PLPP1: variants seen among roughly 807,000 people sequenced by gnomAD.
PLPP1 encodes phospholipid phosphatase 1.
PLPP1 carries 24 observed loss-of-function variants against 31.2 expected under a neutral mutation model. The observed-to-expected ratio is 0.77, with a 90% CI of 0.56 to 1.08. The LOEUF (loss-of-function observed/expected upper bound fraction) is 1.08. PLPP1 is among the 50% of genes least tolerant of loss of function. The probability of loss-of-function intolerance (pLI) is 0.00; values close to 1 mark genes in which losing one functional copy is unlikely to be tolerated. For missense variants in PLPP1, 319 were observed against 342.7 expected, an observed-to-expected ratio of 0.93 and a Z score of 0.55; for synonymous variants, 146 against 126.3, an observed-to-expected ratio of 1.16 and a Z score of -1.05.
intron 4 of PLPP1, among the ~76,000 whole-genome samples, chr5:55,436,186 C>T (rs901959852): frequency 2.0e-5 from 3 of 152,120 alleles, no homozygotes; most frequent in African/African-American, 7.2e-5. Context: ...CACCTGCAGG[C>T]AGCAAATGCT....
intron 4 of PLPP1, among the ~76,000 whole-genome samples, chr5:55,431,815 C>T (rs979708662): frequency 7.2e-5 from 11 of 152,090 alleles, no homozygotes; most frequent in African/African-American, 2.7e-4. Context: ...AAAAAAGTTG[C>T]TTTTATGAAA....
At chr5:55,482,288 TG>T (rs1370350708) in intron 1 of PLPP1, among the ~76,000 whole-genome samples, 1 of 150,984 alleles carries the variant, frequency 6.6e-6, no homozygotes, top group Non-Finnish European at 1.5e-5. Context: ...CCCGAAAAAC[TG>T]TTTTAATGAG....
At chr5:55,531,806 T>G (rs1740680800) in intron 1 of PLPP1, among the ~76,000 whole-genome samples, 1 of 152,248 alleles carries the variant, frequency 6.6e-6, no homozygotes, top group African/African-American at 2.4e-5. Flanking sequence ...CCTGCACCAC[T>G]GGTCTCCTTC....
intron 1 of PLPP1, among the ~76,000 whole-genome samples, chr5:55,504,320 G>A (rs1753217673): frequency 1.4e-5 from 2 of 148,012 alleles, no homozygotes; most frequent in Non-Finnish European, 3.0e-5. Flanking sequence ...AGCAGACAGT[G>A]TCCTACTGCA....
chr5:55,476,023 G>C (rs1752541957), intron 1 of PLPP1, among the ~76,000 whole-genome samples: 1 of 144,710 alleles, frequency 6.9e-6, no homozygotes, highest in South Asian at 2.2e-4. Flanking sequence ...CTGTTACCCA[G>C]GCTAGAGTGC....
chr5:55,464,251 TTTAAG>T (rs879294417), intron 3 of PLPP1, among the ~76,000 whole-genome samples: 5 of 151,698 alleles, frequency 3.3e-5, no homozygotes, highest in Non-Finnish European at 7.4e-5. Flanking sequence ...TTTTTTTTTT[TTTAAG>T]AAGCAGTCTT....
chr5:55,467,908 T>C lies in PLPP1; in HGVS notation c.452A>G (p.Tyr151Cys), dbSNP rs1405300470. Residue 151 changes from tyrosine (Y) to cysteine (C), a missense_variant, in exon 3 of 6, where the codon TAC becomes TGC. By Grantham distance (194) the Tyr-to-Cys change is radical (BLOSUM62 -2). Coordinates refer to ENST00000307259, the MANE Select transcript of PLPP1 (RefSeq NM_003711.4). The part of the protein sequence containing the change: ...INCSDGYIEY[Y>C]ICRGNAERVK... ...TCTTTCTGCATTCCCTCGACATATG[T>C]AGTATTCAATGTAACCATCGCTGCA... is the stretch of plus-strand genomic sequence containing the variant. 1 of 1,614,136 alleles carries C rather than the reference T, an allele frequency of 6.2e-7. No individual in the cohort carries two copies. The highest frequency in any genetic ancestry group is 1.1e-5 in the South Asian group (1 of 91,066).
intron 1 of PLPP1, among the ~76,000 whole-genome samples, chr5:55,479,290 G>C (rs1561239490): frequency 1.3e-5 from 2 of 152,286 alleles, no homozygotes; most frequent in East Asian, 3.9e-4. Flanking sequence ...GTCTCCCAAA[G>C]TGCTGGGATT....
chr5:55,533,768 ACTC>A (rs1380470310), intron 1 of PLPP1, among the ~76,000 whole-genome samples: 5 of 152,166 alleles, frequency 3.3e-5, no homozygotes, highest in Admixed American at 6.5e-5. Flanking sequence ...AGTGAAAACT[ACTC>A]CTTCCAACGC....
chr5:55,454,061 C>A (rs887929031), intron 3 of PLPP1, among the ~76,000 whole-genome samples: 6 of 152,134 alleles, frequency 3.9e-5, no homozygotes, highest in Non-Finnish European at 7.3e-5. Flanking sequence ...TTTCCCACTG[C>A]CTATGTGAAG....
intron 1 of PLPP1, chr5:55,491,104 A>T (rs768708688): frequency 6.2e-7 from 1 of 1,612,866 alleles, no homozygotes; most frequent in Non-Finnish European, 8.5e-7. Context: ...GAACAGCCAT[A>T]GGCATGGAAG....
At chr5:55,491,588 T>C (rs929177350) in intron 1 of PLPP1, among the ~76,000 whole-genome samples, 5 of 152,006 alleles carry the variant, frequency 3.3e-5, no homozygotes, top group African/African-American at 9.7e-5. Context: ...AAAATTTAGG[T>C]GGCTCATGCC....
chr5:55,511,405 A>C (rs1436792017), intron 1 of PLPP1, among the ~76,000 whole-genome samples: 1 of 152,196 alleles, frequency 6.6e-6, no homozygotes, highest in Non-Finnish European at 1.5e-5. Flanking sequence ...TATAACCATT[A>C]AAATTTCAGA....
chr5:55,486,265 G>A (rs762733697), intron 1 of PLPP1, among the ~76,000 whole-genome samples: 12 of 152,056 alleles, frequency 7.9e-5, no homozygotes, highest in Non-Finnish European at 1.8e-4. Context: ...CTTTGAGGTA[G>A]TCATCTGTTT....
chr5:55,443,510 T>C (rs1751683196), intron 3 of PLPP1, among the ~76,000 whole-genome samples: 1 of 152,150 alleles, frequency 6.6e-6, no homozygotes, highest in Admixed American at 6.5e-5. Context: ...TTGAAGAGCC[T>C]ACAAGTTAAT....
chr5:55,457,453 T>G (rs1462736804), intron 3 of PLPP1, among the ~76,000 whole-genome samples: 1 of 152,212 alleles, frequency 6.6e-6, no homozygotes, highest in Non-Finnish European at 1.5e-5. Context: ...AAAATAATTA[T>G]TTTTATACCA....
chr5:55,430,002 T>G (rs985827008), intron 4 of PLPP1, among the ~76,000 whole-genome samples: 15 of 152,086 alleles, frequency 9.9e-5, no homozygotes, highest in Admixed American at 9.8e-4. Flanking sequence ...CATCGGGCGT[T>G]GGAGGGTGCA....
At chr5:55,489,211 G>A (rs1376204290) in intron 1 of PLPP1, among the ~76,000 whole-genome samples, 1 of 151,952 alleles carries the variant, frequency 6.6e-6, no homozygotes, top group Non-Finnish European at 1.5e-5. Flanking sequence ...AAATATATAT[G>A]TGTTATTATT....
intron 1 of PLPP1, among the ~76,000 whole-genome samples, chr5:55,518,496 C>T (rs1753598958): frequency 1.3e-5 from 2 of 152,134 alleles, no homozygotes. Context: ...CTACTCTCAT[C>T]TTTGCCTCCT....
Sources: gnomAD v4.1 joint callset for allele counts (sites outside exome capture counted in the v4.1 genomes callset) on GRCh38, gnomAD v4.1.1 for gene constraint, MANE v1.5 for transcripts, NCBI Gene and HGNC (gene_info 2026-07-23, HGNC 2026-07-21) for gene names.